The following PRP4K variants were observed in gnomAD, a reference collection of about 807,000 sequenced individuals.
PRP4K encodes pre-mRNA processing factor kinase PRP4K.
the PRP4K span, chr6:4,032,383 G>A: frequency 1.9e-5 from 31 of 1,613,928 alleles, no homozygotes; most frequent in Middle Eastern, 1.6e-4. Context: ...CGCGATCGAG[G>A]TAAAAAATCC....
At chr6:4,057,418 A>T in the PRP4K span, among the ~76,000 whole-genome samples, 1 of 152,244 alleles carries the variant, frequency 6.6e-6, no homozygotes, top group Non-Finnish European at 1.5e-5. Context: ...GAGAGCAGCA[A>T]TATTTTGGGG....
chr6:4,057,304 T>A, the PRP4K span: 1 of 1,022,306 alleles, frequency 9.8e-7, no homozygotes, highest in Non-Finnish European at 1.4e-6. Context: ...GGTGGGTAGA[T>A]GGCTATCATG....
the PRP4K span, chr6:4,044,019 T>G: frequency 6.2e-7 from 1 of 1,612,900 alleles, no homozygotes; most frequent in Non-Finnish European, 8.5e-7. Context: ...TTGAACAGAA[T>G]AATGGTGAGA....
chr6:4,059,931 C>T, the PRP4K span, among the ~76,000 whole-genome samples: 1 of 152,174 alleles, frequency 6.6e-6, no homozygotes, highest in African/African-American at 2.4e-5. Flanking sequence ...AGGTGTGAGC[C>T]ACCGCGCCCA....
At chr6:4,062,547 A>G in the PRP4K span, 5 of 152,620 alleles carry the variant, frequency 3.3e-5, no homozygotes, top group Admixed American at 2.6e-4. The surrounding 1 kb of genome is among the most constrained non-coding windows in gnomAD (Gnocchi z 4.2). Flanking sequence ...GGATTTTTTT[A>G]TTCACCCAGG....
At chr6:4,050,595 T>G in the PRP4K span, 1 of 162,458 alleles carries the variant, frequency 6.2e-6, no homozygotes. Flanking sequence ...GAATCTGTCT[T>G]TTTTTAATTT....
At chr6:4,023,124 A>G in the PRP4K span, among the ~76,000 whole-genome samples, 2 of 152,234 alleles carry the variant, frequency 1.3e-5, no homozygotes, top group Non-Finnish European at 2.9e-5. Flanking sequence ...GAAAGTATTT[A>G]ACAAAGAAGA....
chr6:4,037,245 A>G, the PRP4K span: 1 of 627,628 alleles, frequency 1.6e-6, no homozygotes, highest in Non-Finnish European at 2.5e-6. Context: ...ATATCACTGT[A>G]GTCACCTGAG....
At chr6:4,030,913 T>C in the PRP4K span, among the ~76,000 whole-genome samples, 2 of 152,232 alleles carry the variant, frequency 1.3e-5, no homozygotes, top group Admixed American at 1.3e-4. Flanking sequence ...GTTTATACTA[T>C]CACCATCATC....
chr6:4,044,063 G>T, the PRP4K span: 1,093,713 of 1,578,820 alleles, frequency 0.69, 379,307 homozygotes, highest in East Asian at 0.79. Flanking sequence ...TCTCTGAATT[G>T]TTAGCTCTGT....
At chr6:4,031,895 A>G in the PRP4K span, 1 of 1,614,048 alleles carries the variant, frequency 6.2e-7, no homozygotes, top group Middle Eastern at 1.6e-4. Flanking sequence ...AGTTAATGGA[A>G]GGAAAGGTCC....
At chr6:4,023,986 C>T in the PRP4K span, among the ~76,000 whole-genome samples, 1 of 151,896 alleles carries the variant, frequency 6.6e-6, no homozygotes, top group Admixed American at 6.6e-5. Context: ...CCTGCCTCAG[C>T]CTCCCGAGTA....
chr6:4,022,052 C>T, the PRP4K span, among the ~76,000 whole-genome samples: 1 of 152,022 alleles, frequency 6.6e-6, no homozygotes, highest in Admixed American at 6.6e-5. Context: ...CAGCAGTCAC[C>T]CAGTATTGTT....
the PRP4K span, among the ~76,000 whole-genome samples, chr6:4,035,242 C>T: frequency 5.5e-5 from 8 of 146,094 alleles, no homozygotes; most frequent in Non-Finnish European, 7.4e-5. Flanking sequence ...TCAGCTTCCC[C>T]GAGTAGCTGG....
At chr6:4,038,320 CT>C in the PRP4K span, among the ~76,000 whole-genome samples, 1 of 151,866 alleles carries the variant, frequency 6.6e-6, no homozygotes, top group Non-Finnish European at 1.5e-5. Context: ...TTTTGACAGT[CT>C]CACTCTGTTG....
the PRP4K span, among the ~76,000 whole-genome samples, chr6:4,029,403 GC>G: frequency 6.1e-5 from 9 of 147,084 alleles, no homozygotes; most frequent in Admixed American, 6.2e-4. Context: ...GAGTGCAGTG[GC>G]CCCATCATGG....
At chr6:4,046,017 C>G in the PRP4K span, among the ~76,000 whole-genome samples, 1 of 152,156 alleles carries the variant, frequency 6.6e-6, no homozygotes, top group Non-Finnish European at 1.5e-5. Context: ...TTTATAGGCT[C>G]CGCCATAGTT....
the PRP4K span, chr6:4,047,387 A>G: frequency 1.3e-6 from 1 of 760,812 alleles, no homozygotes; most frequent in Middle Eastern, 3.9e-4. Context: ...TGAAAACTCT[A>G]CTAGTTTTGC....
the PRP4K span, among the ~76,000 whole-genome samples, chr6:4,042,754 G>A: frequency 1.3e-5 from 2 of 151,980 alleles, no homozygotes; most frequent in African/African-American, 4.8e-5. Flanking sequence ...GCTCTTTGTT[G>A]GTTATACATA....
Sources: gnomAD v4.1 joint callset for allele counts (sites outside exome capture counted in the v4.1 genomes callset) on GRCh38, gnomAD v4.1.1 for gene constraint, Gnocchi (gnomAD v3.1) non-coding constraint, MANE v1.5 for transcripts, NCBI Gene and HGNC (gene_info 2026-07-23, HGNC 2026-07-21) for gene names.